The following DGKI variants were observed in gnomAD, a reference collection of about 807,000 sequenced individuals.
DGKI encodes the protein DAG kinase iota.
Under a neutral mutation model 147.5 loss-of-function variants are expected in DGKI, and 55 were observed. The ratio of observed to expected loss-of-function variants is 0.37; its 90% CI spans 0.30 to 0.47. DGKI has a LOEUF of 0.47. Ranked by LOEUF, DGKI falls within the 20% of genes least tolerant of loss-of-function variation. The pLI, the probability that DGKI is intolerant of heterozygous loss-of-function variation, is 1.00. For synonymous variants in DGKI, 469 were observed against 477.1 expected, an observed-to-expected ratio of 0.98 and a Z score of 0.22; for missense variants, 1,007 against 1,323.8, an observed-to-expected ratio of 0.76 and a Z score of 3.71.
At chr7:137,708,000 G>A (rs1257714466) in intron 1 of DGKI, among the ~76,000 whole-genome samples, 3 of 152,104 alleles carry the variant, frequency 2.0e-5, no homozygotes, top group Admixed American at 2.0e-4. Context: ...TATCCCTAAG[G>A]TTTCAATTAT....
chr7:137,508,688 G>A (rs1563059536), intron 21 of DGKI, among the ~76,000 whole-genome samples: 1 of 152,028 alleles, frequency 6.6e-6, no homozygotes, highest in Non-Finnish European at 1.5e-5. Context: ...CTTTCTCCAG[G>A]AGCTAGAAGT....
chr7:137,702,302 A>G (rs940656567), intron 1 of DGKI, among the ~76,000 whole-genome samples: 2 of 152,184 alleles, frequency 1.3e-5, no homozygotes, highest in African/African-American at 2.4e-5. Context: ...CATGAATTCA[A>G]CTACATCAAA....
chr7:137,547,838 G>T (rs1817915334), intron 20 of DGKI, among the ~76,000 whole-genome samples: 2 of 152,304 alleles, frequency 1.3e-5, no homozygotes, highest in South Asian at 4.1e-4. Context: ...GACAGAAAAG[G>T]CTTATTAGGA....
chr7:137,703,613 A>G (rs976354194), intron 1 of DGKI, among the ~76,000 whole-genome samples: 1 of 152,222 alleles, frequency 6.6e-6, no homozygotes, highest in African/African-American at 2.4e-5. Flanking sequence ...CTGTCCAATA[A>G]TTAGATCATT....
intron 2 of DGKI, among the ~76,000 whole-genome samples, chr7:137,679,755 A>G (rs545387212): frequency 2.7e-4 from 41 of 152,148 alleles, no homozygotes; most frequent in Admixed American, 7.9e-4. Flanking sequence ...TGGGAGGCCG[A>G]GGTGGGCAGA....
chr7:137,398,090 T>C (rs1811618330), intron 30 of DGKI, among the ~76,000 whole-genome samples: 1 of 152,204 alleles, frequency 6.6e-6, no homozygotes, highest in African/African-American at 2.4e-5. Context: ...CTTCAGCCTA[T>C]GGGTATCCAA....
intron 32 of DGKI, among the ~76,000 whole-genome samples, chr7:137,393,495 C>A (rs1811440408): frequency 6.6e-6 from 1 of 152,114 alleles, no homozygotes; most frequent in Non-Finnish European, 1.5e-5. Context: ...CAAGACCAAC[C>A]CTACCCCATA....
At chr7:137,767,087 G>A (rs1194907905) in intron 1 of DGKI, among the ~76,000 whole-genome samples, 2 of 151,926 alleles carry the variant, frequency 1.3e-5, no homozygotes, top group Non-Finnish European at 2.9e-5. Context: ...GTGACCTGAT[G>A]GGGGGGCCAC....
intron 23 of DGKI, among the ~76,000 whole-genome samples, chr7:137,473,726 A>T (rs28581795): frequency 0.053 from 7,997 of 152,182 alleles, 216 homozygotes; most frequent in South Asian, 0.078. Context: ...GAAAGACTCA[A>T]CTTTTTGCTT....
At chr7:137,498,587 G>A (rs146225253) in intron 21 of DGKI, among the ~76,000 whole-genome samples, 1 of 152,006 alleles carries the variant, frequency 6.6e-6, no homozygotes. Flanking sequence ...GAATGTTTTT[G>A]AACTTCTCAA....
chr7:137,538,097 A>T (rs1817577517), intron 20 of DGKI, among the ~76,000 whole-genome samples: 1 of 152,222 alleles, frequency 6.6e-6, no homozygotes, highest in Admixed American at 6.5e-5. Flanking sequence ...AATTTTAGAA[A>T]GCTTTTCAAA....
intron 3 of DGKI, among the ~76,000 whole-genome samples, chr7:137,673,475 TTAAAAGG>T (rs1822923998): frequency 6.6e-6 from 1 of 152,132 alleles, no homozygotes; most frequent in East Asian, 1.9e-4. Flanking sequence ...AAAGGTAAGA[TTAAAAGG>T]TAAAATGGCA....
intron 1 of DGKI, among the ~76,000 whole-genome samples, chr7:137,813,769 T>A (rs1007880465): frequency 3.3e-5 from 5 of 152,194 alleles, no homozygotes; most frequent in African/African-American, 1.2e-4. Flanking sequence ...TTTAACCCAC[T>A]CAAATGTAGT....
At chr7:137,623,808 CAA>C (rs948754877) in intron 6 of DGKI, among the ~76,000 whole-genome samples, 2 of 152,124 alleles carry the variant, frequency 1.3e-5, no homozygotes, top group Non-Finnish European at 2.9e-5. Flanking sequence ...ACCTACTACT[CAA>C]AGTCAGCCAC....
chr7:137,792,320 T>C (rs1796879821), intron 1 of DGKI, among the ~76,000 whole-genome samples: 2 of 152,202 alleles, frequency 1.3e-5, no homozygotes, highest in African/African-American at 2.4e-5. Flanking sequence ...ATTATATGTA[T>C]AATAGAAATC....
At chr7:137,583,449 C>T (rs967171367) in intron 14 of DGKI, among the ~76,000 whole-genome samples, 1 of 152,182 alleles carries the variant, frequency 6.6e-6, no homozygotes, top group African/African-American at 2.4e-5. Context: ...ACAATTCTAA[C>T]CCATGTCTTA....
chr7:137,638,648 G>GTATATGTGTGTACA (rs1563126104), intron 6 of DGKI, among the ~76,000 whole-genome samples: 1,035 of 3,830 alleles, frequency 0.27, 348 homozygotes, highest in African/African-American at 0.53. Flanking sequence ...ATATGTGTAT[G>GTATATGTGTGTACA]TATATACACA....
chr7:137,670,251 C>T (rs1292923792), intron 3 of DGKI, among the ~76,000 whole-genome samples: 1 of 152,198 alleles, frequency 6.6e-6, no homozygotes, highest in Admixed American at 6.5e-5. Context: ...CTAGAAGTGA[C>T]AGAATCCTAA....
intron 27 of DGKI, among the ~76,000 whole-genome samples, chr7:137,459,743 G>C: frequency 6.6e-6 from 1 of 152,038 alleles, no homozygotes. Flanking sequence ...CAAAGTGCTA[G>C]GATTACAGGC....
Sources: allele counts gnomAD v4.1 joint callset (sites outside exome capture counted in the v4.1 genomes callset), GRCh38; gene constraint gnomAD v4.1.1; transcripts MANE v1.5; gene names NCBI Gene and HGNC (gene_info 2026-07-23, HGNC 2026-07-21).